Variants in GYS1 observed in about 807,000 individuals in gnomAD.
GYS1 encodes glycogen [starch] synthase, muscle.
A neutral mutation model predicts 89.1 loss-of-function variants in GYS1; 60 were observed. The ratio of observed to expected loss-of-function variants is 0.67; its 90% CI spans 0.55 to 0.84. GYS1 has a LOEUF of 0.84. Among genes scored for constraint, GYS1 ranks in the 40% least tolerant of loss-of-function variants. GYS1 has a pLI of 0.00. For synonymous variants in GYS1, 366 were observed against 401.7 expected, an observed-to-expected ratio of 0.91 and a Z score of 1.06; for missense variants, 888 against 1,003.1, an observed-to-expected ratio of 0.89 and a Z score of 1.55.
Position 48,985,622 on chromosome 19 carries a change from A to C in GYS1, c.679-17T>G, listed in dbSNP as rs550450612. The C allele has an allele frequency of 6.2e-7, 1 of 1,613,842 alleles. No homozygotes were observed. Among genetic ancestry groups the C allele is most frequent in the South Asian group, 1.1e-5 (1 of 91,080 alleles). On this transcript the variant is annotated splice_polypyrimidine_tract_variant and intron_variant, in intron 4 of 15. Coordinates refer to ENST00000323798, the MANE Select transcript of GYS1 (RefSeq NM_002103.5). ...CACGTTGAACTGGGTGGGAGGGGAC[A>C]GCAGTCCGGTTAGAAGGATTGGGGA...
intron 8 of GYS1, among the ~76,000 whole-genome samples, chr19:48,979,040 G>T (rs2038705524): frequency 6.6e-6 from 1 of 152,152 alleles, no homozygotes; most frequent in African/African-American, 2.4e-5. Context: ...GATGAAAATA[G>T]AATCAACCTC....
At chr19:48,989,919 C>G (rs1255144536) in intron 2 of GYS1, among the ~76,000 whole-genome samples, 1 of 152,042 alleles carries the variant, frequency 6.6e-6, no homozygotes, top group Non-Finnish European at 1.5e-5. Flanking sequence ...CAGCCCCGCT[C>G]CTCGCCGACC....
At chr19:48,974,454 G>T in intron 11 of GYS1, 115 bp from the exon 12 acceptor site, 2 of 1,277,550 alleles carry the variant, frequency 1.6e-6, no homozygotes, top group Non-Finnish European at 2.3e-6. Flanking sequence ...CATGTGTTTG[G>T]CAGGACCAAT....
chr19:48,982,919 C>A, intron 5 of GYS1, 82 bp from the exon 6 acceptor site: 2 of 1,070,666 alleles, frequency 1.9e-6, no homozygotes, highest in South Asian at 2.5e-5. Flanking sequence ...GAAGAAAACA[C>A]CCTTTGCCTT....
chr19:48,986,732 C>G (rs112599002), intron 3 of GYS1, among the ~76,000 whole-genome samples: 2,471 of 152,122 alleles, frequency 0.016, 62 homozygotes, highest in African/African-American at 0.051. Flanking sequence ...CCTGGCCTCA[C>G]GTGATCTTCC....
intron 8 of GYS1, among the ~76,000 whole-genome samples, chr19:48,979,655 T>G (rs1237830859): frequency 2.1e-5 from 3 of 143,726 alleles, no homozygotes; most frequent in African/African-American, 5.1e-5. Context: ...TCTTTTTTTT[T>G]TTTTTTTTTT....
chr19:48,980,519 G>C (rs2038743274), intron 8 of GYS1, among the ~76,000 whole-genome samples: 1 of 151,990 alleles, frequency 6.6e-6, no homozygotes, highest in African/African-American at 2.4e-5. Flanking sequence ...CTAGCACATA[G>C]TAGATGCTCA....
chr19:48,980,157 G>A (rs981244904), intron 8 of GYS1, among the ~76,000 whole-genome samples: 2 of 152,030 alleles, frequency 1.3e-5, no homozygotes, highest in African/African-American at 2.4e-5. Flanking sequence ...TCCCCACCGC[G>A]TCTCAATCAT....
intron 12 of GYS1, among the ~76,000 whole-genome samples, chr19:48,973,403 A>G (rs2038595840): frequency 6.6e-6 from 1 of 152,064 alleles, no homozygotes; most frequent in South Asian, 2.1e-4. Context: ...CTATGGAAAA[A>G]GGGAATTGGG....
intron 5 of GYS1, among the ~76,000 whole-genome samples, chr19:48,984,741 C>T (rs777681539): frequency 6.6e-6 from 1 of 151,710 alleles, no homozygotes; most frequent in Non-Finnish European, 1.5e-5. Context: ...ATTAGCCAGG[C>T]GTGGTGGCAG....
intron 8 of GYS1, among the ~76,000 whole-genome samples, chr19:48,981,136 C>T (rs574569532): frequency 5.5e-5 from 8 of 145,196 alleles, no homozygotes; most frequent in South Asian, 4.4e-4. Context: ...AAAAGAGGGC[C>T]GGGTGCGGTG....
At position 48,970,707 on chromosome 19, in the gene GYS1, T is replaced by C; in HGVS notation, c.1648A>G (p.Ile550Val). 3 of 1,613,722 alleles carry C rather than the reference T, an allele frequency of 1.9e-6. No homozygotes were observed. The highest frequency in any genetic ancestry group is 1.1e-5 in the South Asian group (1 of 91,014). The part of the protein sequence containing the change: ...EHIADPSAYG[I>V]YILDRRFRSL... The stretch of plus-strand genomic sequence containing the variant: ...CGGAACCGCCGGTCAAGAATGTAGA[T>C]ACCTGTGGAGGCCAGGACCCAGGTT... The change falls in exon 14 of 16, where the codon ATC (isoleucine) becomes GTC (valine). Residue 550 changes from isoleucine (I) to valine (V), a missense_variant and splice_region_variant. By Grantham distance (29) the Ile-to-Val change is conservative. Coordinates refer to ENST00000323798, the MANE Select transcript of GYS1 (RefSeq NM_002103.5).
Position 48,993,035 on chromosome 19 carries a change from G to C in GYS1, c.78C>G (p.Asn26Lys). The C allele has an allele frequency of 6.2e-7, 1 of 1,613,170 alleles. No homozygotes were observed. The highest frequency in any genetic ancestry group is 8.5e-7 in the Non-Finnish European group (1 of 1,179,192). The change falls in exon 1 of 16, where the codon AAC becomes AAG. Residue 26 changes from asparagine to lysine, a missense_variant. By Grantham distance (94) the Asn-to-Lys change is moderately conservative (BLOSUM62 0). Coordinates refer to ENST00000323798, the MANE Select transcript of GYS1 (RefSeq NM_002103.5). The part of the protein sequence containing the change: ...EDWEDEFDLE[N>K]AVLFEVAWEV... The stretch of plus-strand genomic sequence containing the variant: ...CCCAGGCCACTTCGAAGAGCACTGC[G>C]TTCTCCAGGTCGAATTCATCCTCCC...
chr19:48,990,002 G>GGGGGGGGC (rs2038900052), intron 2 of GYS1, among the ~76,000 whole-genome samples: 2 of 146,426 alleles, frequency 1.4e-5, no homozygotes, highest in African/African-American at 5.2e-5. Flanking sequence ...TTTTGCTGGG[G>GGGGGGGGC]GGGGGGGGGG....
At chr19:48,969,663 C>T (rs770601250) in intron 15 of GYS1, 52 bp from the exon 16 acceptor site, 1 of 1,572,258 alleles carries the variant, frequency 6.4e-7, no homozygotes. Flanking sequence ...ACCTCACAGT[C>T]CCACCCAGGC....
At chr19:48,975,233 ATTTTTT>A (rs554660546) in intron 10 of GYS1, among the ~76,000 whole-genome samples, 14 of 134,854 alleles carry the variant, frequency 1.0e-4, no homozygotes, top group African/African-American at 3.8e-4. Flanking sequence ...GCTCAGCCTA[ATTTTTT>A]TTTTTTTTTT....
rs1302274745 is a variant in GYS1 at position 48,978,021 on chromosome 19, C to T, written c.1230-19G>A. ...GCTCCCACTGCAAGGCAAGCAGGGG[C>T]ATGCATGTGAGAACGGAGTAATGAG... On this transcript the variant is annotated intron_variant, in intron 9 of 15. Transcript: ENST00000323798. 6.2e-7 allele frequency: 1 copy of T among 1,612,250 alleles called. No individual in the cohort carries two copies. Among genetic ancestry groups the T allele is most frequent in the African/African-American group, 1.3e-5 (1 of 74,980 alleles).
rs779608375 is a variant in GYS1 at position 48,969,369 on chromosome 19, C to T, written c.2133G>A (p.Val711=). The T allele has an allele frequency of 4.4e-6, 7 of 1,580,220 alleles. No individual in the cohort carries two copies. The East Asian group carries it at 1.6e-4, about 37-fold the overall frequency. The part of the protein sequence containing the change: ...SSTSGSKRNS[V]DTATSSSLST... ...TGAGTGAGCTGGAGGTGGCCGTGTC[C>T]ACAGAGTTGCGCTTGCTGCCGCTGG... Residue 711 remains valine (V), a synonymous_variant, in exon 16 of 16, where the codon GTG becomes GTA. Coordinates refer to ENST00000323798, the MANE Select transcript of GYS1 (RefSeq NM_002103.5).
At chr19:48,988,292 C>A (rs2038872376) in intron 2 of GYS1, among the ~76,000 whole-genome samples, 1 of 152,208 alleles carries the variant, frequency 6.6e-6, no homozygotes, top group Admixed American at 6.5e-5. Context: ...CCATCTGCAT[C>A]TCCCACTGTC....
Sources: allele counts gnomAD v4.1 joint callset (sites outside exome capture counted in the v4.1 genomes callset), GRCh38; gene constraint gnomAD v4.1.1; transcripts MANE v1.5; gene names NCBI Gene and HGNC (gene_info 2026-07-23, HGNC 2026-07-21).